Variants in FHIT observed in about 807,000 individuals in gnomAD.
FHIT encodes bis(5'-adenosyl)-triphosphatase.
A neutral mutation model predicts 17.9 loss-of-function variants in FHIT; 19 were observed. That is an observed-to-expected ratio of 1.06 (90% CI 0.74 to 1.56). FHIT has a LOEUF of 1.56. Among genes scored for constraint, FHIT ranks in the 40% most tolerant of loss-of-function variants. The probability of loss-of-function intolerance (pLI) is 0.00; values close to 1 mark genes in which losing one functional copy is unlikely to be tolerated. For synonymous variants in FHIT, 81 were observed against 69.7 expected (o/e 1.16, Z -0.81); for missense variants, 248 against 189.2 (o/e 1.31, Z -1.82).
chr3:60,258,385 C>A (rs142421885), intron 5 of FHIT, among the ~76,000 whole-genome samples: 2 of 152,238 alleles, frequency 1.3e-5, no homozygotes, highest in South Asian at 4.1e-4. Flanking sequence ...TCCAGGCCCA[C>A]TTCCTCTTCT....
intron 7 of FHIT, among the ~76,000 whole-genome samples, chr3:59,949,105 C>T (rs1184737339): frequency 6.6e-6 from 1 of 152,108 alleles, no homozygotes; most frequent in African/African-American, 2.4e-5. Context: ...CCATGAGTAC[C>T]TGATGTTTAG....
At chr3:60,978,626 T>A (rs976249889) in intron 3 of FHIT, among the ~76,000 whole-genome samples, 1 of 152,204 alleles carries the variant, frequency 6.6e-6, no homozygotes, top group Non-Finnish European at 1.5e-5. Flanking sequence ...GTTTTTTGAA[T>A]CCCTCTTAAA....
In FHIT at chr3:61,068,660, G is replaced by T. The variant is rs554300532; in HGVS notation, c.-163-26561C>A. ...GAGATTAGGGTGTAGATATCTTTGGGGGGAGGGCGCATGATTCTACCTACC... is the reference window on the plus strand; with the variant it reads ...GAGATTAGGGTGTAGATATCTTTGGTGGGAGGGCGCATGATTCTACCTACC... On this transcript the variant is annotated intron_variant, in intron 2 of 9. Coordinates refer to ENST00000492590, the MANE Select transcript of FHIT (RefSeq NM_002012.4). Among the ~76,000 whole-genome samples the T allele has an allele frequency of 4.8e-5, 7 of 147,230 alleles. No individual in the cohort carries two copies. The South Asian group carries it at 1.5e-3, about 33-fold the overall frequency.
chr3:60,637,954 G>C (rs191468004), intron 4 of FHIT, among the ~76,000 whole-genome samples: 500 of 152,272 alleles, frequency 3.3e-3, no homozygotes, highest in Non-Finnish European at 5.1e-3. Context: ...AAACCTACTA[G>C]AGTAATGTCA....
At chr3:60,547,713 T>C (rs1437030911) in intron 4 of FHIT, among the ~76,000 whole-genome samples, 6 of 152,178 alleles carry the variant, frequency 3.9e-5, no homozygotes, top group Admixed American at 3.9e-4. Flanking sequence ...TTTTAGAGCT[T>C]TATCTTTAAA....
At chr3:60,021,090 G>C (rs1700536593) in intron 5 of FHIT, among the ~76,000 whole-genome samples, 1 of 152,138 alleles carries the variant, frequency 6.6e-6, no homozygotes, top group Admixed American at 6.5e-5. Context: ...GTGATTTCCA[G>C]AATATGATAA....
At chr3:60,212,852 G>A (rs1703521737) in intron 5 of FHIT, among the ~76,000 whole-genome samples, 1 of 152,168 alleles carries the variant, frequency 6.6e-6, no homozygotes, top group Non-Finnish European at 1.5e-5. Flanking sequence ...GGGCGCTAAT[G>A]ATTTTCTAAG....
At chr3:60,329,178 C>T (rs1040632765) in intron 5 of FHIT, among the ~76,000 whole-genome samples, 1 of 151,968 alleles carries the variant, frequency 6.6e-6, no homozygotes, top group Admixed American at 6.6e-5. Context: ...TTGATGTTTC[C>T]CCTCACCTAT....
intron 4 of FHIT, among the ~76,000 whole-genome samples, chr3:60,637,209 A>G (rs901721473): frequency 3.9e-5 from 6 of 152,192 alleles, no homozygotes; most frequent in Non-Finnish European, 7.3e-5. Flanking sequence ...CATTATGGCC[A>G]CTTTGATAGC....
intron 2 of FHIT, among the ~76,000 whole-genome samples, chr3:61,130,150 G>C (rs73112334): frequency 0.42 from 63,138 of 151,820 alleles, 14,335 homozygotes; most frequent in Middle Eastern, 0.52. Flanking sequence ...CTAAAATATA[G>C]TACAAGAAGT....
intron 5 of FHIT, among the ~76,000 whole-genome samples, chr3:60,028,025 TA>T (rs770247577): frequency 2.4e-4 from 37 of 152,298 alleles, no homozygotes; most frequent in Non-Finnish European, 2.1e-4. Flanking sequence ...CTGTAGCTAG[TA>T]ATCACTTGTA....
chr3:60,701,398 G>A (rs2041243322), intron 4 of FHIT, among the ~76,000 whole-genome samples: 1 of 152,100 alleles, frequency 6.6e-6, no homozygotes, highest in African/African-American at 2.4e-5. Context: ...GGAGACGGGA[G>A]TTTTATTATT....
At chr3:60,420,150 T>A (rs756638289) in intron 5 of FHIT, among the ~76,000 whole-genome samples, 22 of 152,144 alleles carry the variant, frequency 1.4e-4, no homozygotes, top group Admixed American at 8.5e-4. Flanking sequence ...TGCGTAAATA[T>A]ACACCTAAAA....
chr3:60,810,422 T>TG (rs1701539098), intron 4 of FHIT, among the ~76,000 whole-genome samples: 1 of 152,200 alleles, frequency 6.6e-6, no homozygotes, highest in South Asian at 2.1e-4. Context: ...TACACATTTT[T>TG]TCAATTAAGC....
At chr3:59,875,476 A>C (rs1336817551) in intron 8 of FHIT, among the ~76,000 whole-genome samples, 1 of 152,178 alleles carries the variant, frequency 6.6e-6, no homozygotes, top group African/African-American at 2.4e-5. Context: ...CTGGGTCTAT[A>C]ATCTTTGTTC....
intron 4 of FHIT, among the ~76,000 whole-genome samples, chr3:60,753,759 G>A (rs1213002673): frequency 1.3e-5 from 2 of 152,178 alleles, no homozygotes; most frequent in African/African-American, 2.4e-5. Context: ...GGTGAGGCCA[G>A]GGACAATTAG....
intron 5 of FHIT, among the ~76,000 whole-genome samples, chr3:60,131,269 T>C (rs990570770): frequency 3.9e-5 from 6 of 151,986 alleles, no homozygotes; most frequent in Admixed American, 3.3e-4. Flanking sequence ...CCTAACACAA[T>C]GTAATGCTAT....
intron 3 of FHIT, among the ~76,000 whole-genome samples, chr3:60,938,740 T>G (rs1390522086): frequency 6.6e-6 from 1 of 152,140 alleles, no homozygotes; most frequent in East Asian, 1.9e-4. Context: ...AGAAATGGCC[T>G]TGCCAATAGA....
intron 5 of FHIT, among the ~76,000 whole-genome samples, chr3:60,361,925 CAA>C (rs1458524593): frequency 2.0e-5 from 3 of 151,954 alleles, no homozygotes; most frequent in South Asian, 4.1e-4. Context: ...CTCTCATTTA[CAA>C]AAAAAGTTTT....
Sources: allele counts gnomAD v4.1 joint callset (sites outside exome capture counted in the v4.1 genomes callset), GRCh38; gene constraint gnomAD v4.1.1; transcripts MANE v1.5; gene names NCBI Gene and HGNC (gene_info 2026-07-23, HGNC 2026-07-21).